Variants in UNC45A observed in about 807,000 individuals in gnomAD.
UNC45A encodes unc-45 myosin chaperone A.
Under a neutral mutation model 103.2 loss-of-function variants are expected in UNC45A, and 78 were observed. The ratio of observed to expected loss-of-function variants is 0.76; its 90% CI spans 0.63 to 0.91. UNC45A has a LOEUF of 0.91. Among genes scored for constraint, UNC45A ranks in the 40% least tolerant of loss-of-function variants. UNC45A has a pLI of 0.00. For synonymous variants in UNC45A, 495 were observed against 504.6 expected (o/e 0.98, Z 0.25); for missense variants, 1,193 against 1,224.8 (o/e 0.97, Z 0.39).
At chr15:90,944,679 C>T (rs965298541) in intron 8 of UNC45A, among the ~76,000 whole-genome samples, 1 of 152,246 alleles carries the variant, frequency 6.6e-6, no homozygotes, top group Non-Finnish European at 1.5e-5. Context: ...GGCTGGCATG[C>T]AGGCCTCACT....
chr15:90,932,097 G>A (rs1318532174), upstream of UNC45A: 1 of 1,602,922 alleles, frequency 6.2e-7, no homozygotes. Flanking sequence ...CGTGGGTCAG[G>A]ATCCGTGCCA....
At chr15:90,949,899 C>T (rs1252426426) in intron 15 of UNC45A, 179 bp downstream of exon 15, 2 of 716,194 alleles carry the variant, frequency 2.8e-6, no homozygotes, top group South Asian at 1.7e-5. Flanking sequence ...GGCCCCTCCA[C>T]ACTGGTGCCT....
upstream of UNC45A, chr15:90,931,858 C>T: frequency 6.2e-7 from 1 of 1,614,164 alleles, no homozygotes; most frequent in East Asian, 2.2e-5. Flanking sequence ...CCTCCTCCAC[C>T]AGGCGCCGCA....
chr15:90,932,151 G>A (rs780462581), upstream of UNC45A: 1 of 1,554,962 alleles, frequency 6.4e-7, no homozygotes, highest in Non-Finnish European at 8.7e-7. Flanking sequence ...GTCGGAGGTA[G>A]TCCCAAGGCG....
Position 90,952,950 on chromosome 15 carries a change from G to T in UNC45A, c.2325G>T (p.Lys775Asn). Reference protein sequence around the residue: ...ERLRQKILKEKAVPMIEGYMF... With the variant: ...ERLRQKILKENAVPMIEGYMF... ...GCAGGCAGAAGATCCTGAAGGAGAA[G>T]GCTGTGCCCATGATAGAAGGCTACA... Residue 775 changes from lysine to asparagine, a missense_variant, in exon 18 of 20, where the codon AAG (lysine) becomes AAT (asparagine). Physicochemically the swap from Lys to Asn is moderately conservative, Grantham distance 94. Transcript: ENST00000418476. 1.2e-6 allele frequency: 2 copies of T among 1,613,212 alleles called. No homozygotes were observed. Among genetic ancestry groups the T allele is most frequent in the Non-Finnish European group, 1.7e-6 (2 of 1,180,026 alleles).
At position 90,950,272 on chromosome 15, in the gene UNC45A, G is replaced by C; in HGVS notation, c.2187+5G>C. On this transcript the variant is annotated splice_donor_5th_base_variant and intron_variant, in intron 16 of 19. Coordinates refer to ENST00000418476, the MANE Select transcript of UNC45A (RefSeq NM_018671.5). The stretch of plus-strand genomic sequence containing the variant: ...ATGACCTTCCCTGGCGAGCGGGTAC[G>C]TGTCTTCCTGCCCCGGCCTTTCCAC... The C allele has an allele frequency of 6.4e-7, 1 of 1,551,646 alleles. No individual in the cohort carries two copies. Among genetic ancestry groups the C allele is most frequent in the Non-Finnish European group, 8.7e-7 (1 of 1,146,960 alleles).
chr15:90,935,693 C>T lies in UNC45A; in HGVS notation c.201C>T (p.Cys67=). 6.4e-7 allele frequency: 1 copy of T among 1,560,882 alleles called. No individual in the cohort carries two copies. The highest frequency in any genetic ancestry group is 8.7e-7 in the Non-Finnish European group (1 of 1,155,014). ...TTCTGCACCGGAACCGGGCCGCCTG[C>T]CACCTCAAGCTGGTGAGGGAGCCTG... ...QAVLHRNRAA[C]HLKLEDYDKA... The change falls in exon 2 of 20, where the codon TGC becomes TGT. Residue 67 remains cysteine, a synonymous_variant. Transcript: ENST00000418476.
Position 90,950,286 on chromosome 15 carries a change from C to G in UNC45A, c.2187+19C>G, listed in dbSNP as rs965177245. ...CGAGCGGGTACGTGTCTTCCTGCCC[C>G]GGCCTTTCCACTCCCTCTGTCCCTG... is the stretch of plus-strand genomic sequence containing the variant. On this transcript the variant is annotated intron_variant, in intron 16 of 19. Coordinates refer to ENST00000418476, the MANE Select transcript of UNC45A (RefSeq NM_018671.5). The G allele has an allele frequency of 6.4e-7, 1 of 1,551,044 alleles. No homozygotes were observed. Among genetic ancestry groups the G allele is most frequent in the Non-Finnish European group, 8.7e-7 (1 of 1,146,468 alleles).
At chr15:90,949,606 C>T (rs2036777537) in intron 14 of UNC45A, 48 bp from the exon 15 acceptor site, 4 of 1,611,410 alleles carry the variant, frequency 2.5e-6, no homozygotes, top group East Asian at 2.2e-5. Context: ...CAGCGTCTGC[C>T]TGCCAGAGTC....
chr15:90,946,545 G>A (rs2036577344), intron 9 of UNC45A, 69 bp from the exon 10 acceptor site: 1 of 1,475,348 alleles, frequency 6.8e-7, no homozygotes, highest in African/African-American at 1.4e-5. Flanking sequence ...GCCAGTGGAG[G>A]GGAAGGGAGG....
chr15:90,952,895 C>CGTAT, intron 17 of UNC45A, 34 bp from the exon 18 acceptor site: 2 of 1,587,930 alleles, frequency 1.3e-6, no homozygotes, highest in Non-Finnish European at 8.6e-7. Context: ...ACATCCAAAC[C>CGTAT]GTATCCCTGC....
At chr15:90,949,612 G>C (rs769466287) in intron 14 of UNC45A, 42 bp from the exon 15 acceptor site, 3 of 1,612,422 alleles carry the variant, frequency 1.9e-6, no homozygotes, top group Non-Finnish European at 2.5e-6. Flanking sequence ...CTGCCTGCCA[G>C]AGTCCCAGAG....
At chr15:90,935,867 G>T in intron 2 of UNC45A, 79 bp from the exon 3 acceptor site, 1 of 1,604,300 alleles carries the variant, frequency 6.2e-7, no homozygotes, top group Non-Finnish European at 8.5e-7. Context: ...ACCTTGGAGA[G>T]CGAGAGTACC....
upstream of UNC45A, chr15:90,931,558 T>C (rs1488604908): frequency 6.2e-7 from 1 of 1,614,224 alleles, no homozygotes; most frequent in Admixed American, 1.7e-5. Flanking sequence ...GTATTTTTAC[T>C]GTATGAAAGA....
chr15:90,949,943 C>T (rs548922376), intron 15 of UNC45A: 15 of 664,070 alleles, frequency 2.3e-5, no homozygotes, highest in Non-Finnish European at 3.9e-5. Context: ...TCCTTTGTCT[C>T]ATTTACCCCC....
intron 4 of UNC45A, among the ~76,000 whole-genome samples, chr15:90,939,311 T>C (rs149928856): frequency 8.3e-4 from 126 of 152,264 alleles, no homozygotes; most frequent in African/African-American, 2.9e-3. Context: ...GAAAAGAGAA[T>C]TCTGGAGCTA....
At position 90,948,339 on chromosome 15, in the gene UNC45A, C is replaced by T. The variant is rs368201311; in HGVS notation, c.1737+56C>T. 172 of 1,600,672 alleles carry T rather than the reference C, an allele frequency of 1.1e-4. 2 individuals carry two copies. The highest frequency in any genetic ancestry group is 1.0e-3 in the African/African-American group (75 of 74,882). ...GGACACTGTCTAGGATTAGACCTTA[C>T]CAGGCTTTCTCGGCAGGGCTTGGCC... On this transcript the variant is annotated intron_variant, in intron 12 of 19. Coordinates refer to ENST00000418476, the MANE Select transcript of UNC45A (RefSeq NM_018671.5).
At chr15:90,948,474 A>G in intron 12 of UNC45A, 180 bp from the exon 13 acceptor site, 2 of 1,270,938 alleles carry the variant, frequency 1.6e-6, no homozygotes, top group Non-Finnish European at 1.1e-6. Context: ...TTCTTCTTGG[A>G]GGAGCTGGGG....
rs528705307 is a variant in UNC45A at position 90,944,716 on chromosome 15, C to T, written c.1028-176C>T. Among the ~76,000 whole-genome samples the T allele has an allele frequency of 1.1e-3, 163 of 152,360 alleles. 1 individual carries two copies. The highest frequency in any genetic ancestry group is 3.5e-3 in the African/African-American group (145 of 41,582). ...CTGAGGTCCTTCCCGATCCTACAGC[C>T]GCCTCCCTTAGGTAGCAGATCAGCT... On this transcript the variant is annotated intron_variant, in intron 8 of 19. Transcript: ENST00000418476.
Sources: gnomAD v4.1 joint callset for allele counts (sites outside exome capture counted in the v4.1 genomes callset) on GRCh38, gnomAD v4.1.1 for gene constraint, MANE v1.5 for transcripts, NCBI Gene and HGNC (gene_info 2026-07-23, HGNC 2026-07-21) for gene names.